The following CSF1 variants were observed in gnomAD, a reference collection of about 807,000 sequenced individuals.
CSF1 encodes macrophage colony-stimulating factor 1.
A neutral mutation model predicts 48.9 loss-of-function variants in CSF1; 9 were observed. The observed-to-expected ratio is 0.18, with a 90% CI of 0.11 to 0.32. CSF1 has a LOEUF of 0.32. Among genes scored for constraint, CSF1 ranks in the 10% least tolerant of loss-of-function variants. CSF1 has a pLI of 1.00. For missense variants in CSF1, 672 were observed against 697.9 expected, an observed-to-expected ratio of 0.96 and a Z score of 0.42; for synonymous variants, 305 against 284.1, an observed-to-expected ratio of 1.07 and a Z score of -0.74.
rs1406178434 is a variant in CSF1 at position 109,923,357 on chromosome 1, C to A, written c.736C>A (p.Pro246Thr). 13 of 1,612,410 alleles carry A rather than the reference C, an allele frequency of 8.1e-6. No homozygotes were observed. Among genetic ancestry groups the A allele is most frequent in the Non-Finnish European group, 9.3e-6 (11 of 1,179,174 alleles). ...PGEQPLHTVDPGSAKQRPPRS... is the reference protein window; with the variant it reads ...PGEQPLHTVDTGSAKQRPPRS... ...TGAGCAGCCCCTGCACACAGTGGATCCAGGCAGTGCCAAGCAGCGGCCACC... is the reference window on the plus strand; with the variant it reads ...TGAGCAGCCCCTGCACACAGTGGATACAGGCAGTGCCAAGCAGCGGCCACC... The change falls in exon 6 of 9, where the codon CCA becomes ACA. Residue 246 changes from proline (P) to threonine (T), a missense_variant. Physicochemically the swap from Pro to Thr is conservative, Grantham distance 38 (BLOSUM62 -1). Around this residue, in one of 3 missense-constraint regions of CSF1, gnomAD observed 591 missense variants for 593.6 expected, o/e 1.00. Transcript: ENST00000329608.
At chr1:109,910,510 C>G (rs992128846), upstream of CSF1, 2 of 409,936 alleles carry the variant, frequency 4.9e-6, no homozygotes, top group African/African-American at 4.2e-5. Context: ...AGCACTGAAT[C>G]AGCCTGGAGA....
At chr1:109,924,731 C>G (rs535745356) in intron 6 of CSF1, 45 bp from the exon 7 acceptor site, 105 of 1,543,752 alleles carry the variant, frequency 6.8e-5, no homozygotes, top group Admixed American at 4.6e-4. Flanking sequence ...ACCGCCCCCC[C>G]ACACTCCCCC....
chr1:109,911,007 G>T lies in CSF1; in HGVS notation c.-17G>T. The stretch of plus-strand genomic sequence containing the variant: ...GCGAGGGCGGCCGACGCGCCCGGCC[G>T]GGACCCAGCTGCCCGTATGACCGCG... On this transcript the variant is annotated 5_prime_UTR_variant, in exon 1 of 9. Transcript: ENST00000329608. 2.6e-6 allele frequency: 3 copies of T among 1,168,854 alleles called. No individual in the cohort carries two copies. The highest frequency in any genetic ancestry group is 3.2e-6 in the Non-Finnish European group (3 of 949,440). The allele number at this position is 1,168,854 out of a possible 1,614,324, so 72.4% of individuals were successfully genotyped here. A position where few individuals can be genotyped will look rare whatever the true frequency, so the allele number is the denominator to read the frequency against.
chr1:109,920,828 C>T (rs2101649810), intron 4 of CSF1, among the ~76,000 whole-genome samples: 1 of 152,172 alleles, frequency 6.6e-6, no homozygotes, highest in Admixed American at 6.5e-5. Flanking sequence ...GAGGTGGGCC[C>T]GGGAGTGAAC....
At chr1:109,921,061 C>T (rs185717869) in intron 4 of CSF1, among the ~76,000 whole-genome samples, 43 of 152,342 alleles carry the variant, frequency 2.8e-4, no homozygotes, top group Admixed American at 7.2e-4. Context: ...ACCCATATGC[C>T]TGGCGGCTGC....
rs1375566904 is a variant in CSF1 at position 109,929,387 on chromosome 1, A to T, written c.*549A>T. 2.6e-5 allele frequency: 4 copies of T among 152,652 alleles called. No individual in the cohort carries two copies. Among genetic ancestry groups the T allele is most frequent in the Non-Finnish European group, 5.9e-5 (4 of 68,172 alleles). 9.5% of individuals were successfully genotyped at this position (152,652 alleles called of 1,614,324 possible). On this transcript the variant is annotated 3_prime_UTR_variant, in exon 9 of 9. Coordinates refer to ENST00000329608, the MANE Select transcript of CSF1 (RefSeq NM_000757.6). ...CCCGTAAAGGTGTGCAGCCTGAGAG[A>T]CGGGAAGAGGAGGCCTCTGGACCTG...
chr1:109,923,029 C>T, intron 5 of CSF1, 137 bp from the exon 6 acceptor site: 5 of 800,054 alleles, frequency 6.2e-6, no homozygotes. Context: ...TCTTCTCAGC[C>T]CCAGGGCTGA....
At chr1:109,924,448 A>T (rs1222953052) in intron 6 of CSF1, among the ~76,000 whole-genome samples, 1 of 152,030 alleles carries the variant, frequency 6.6e-6, no homozygotes, top group East Asian at 1.9e-4. Context: ...TGACAGCAGG[A>T]TGATATCCAG....
chr1:109,914,648 T>C (rs554843014), intron 2 of CSF1, among the ~76,000 whole-genome samples: 66 of 152,344 alleles, frequency 4.3e-4, no homozygotes, highest in African/African-American at 1.5e-3. Context: ...GGGTTAGTGA[T>C]TGCCCAGGAA....
rs1570807572 is a variant in CSF1, at chr1:109,930,605, C to G, written c.*1767C>G. The G allele has an allele frequency of 6.6e-6, 1 of 152,238 alleles. No individual in the cohort carries two copies. The highest frequency in any genetic ancestry group is 1.5e-5 in the Non-Finnish European group (1 of 68,046). 9.4% of individuals were successfully genotyped at this position (152,238 alleles called of 1,614,324 possible). A position where few individuals can be genotyped will look rare whatever the true frequency, so the allele number is the denominator to read the frequency against. ...TGCATATGGGGCTTAGCCTTCTAGTCACAGCCTCTATATTTGATGCTAGAA... is the reference window on the plus strand; with the variant it reads ...TGCATATGGGGCTTAGCCTTCTAGTGACAGCCTCTATATTTGATGCTAGAA... On this transcript the variant is annotated 3_prime_UTR_variant, in exon 9 of 9. Transcript: ENST00000329608.
intron 3 of CSF1, among the ~76,000 whole-genome samples, chr1:109,916,732 C>G (rs995148343): frequency 6.6e-6 from 1 of 152,178 alleles, no homozygotes; most frequent in African/African-American, 2.4e-5. Context: ...TGCACTCACT[C>G]GCTTGCTCTA....
chr1:109,923,916 G>A lies in CSF1; in HGVS notation c.1295G>A (p.Gly432Asp). ...QPQLSRSHSS[G>D]SVLPLGELEG... ...CAGCTTTCCAGAAGCCACTCCTCGGGCAGCGTGCTGCCCCTTGGGGAGCTG... is the reference window on the plus strand; with the variant it reads ...CAGCTTTCCAGAAGCCACTCCTCGGACAGCGTGCTGCCCCTTGGGGAGCTG... Residue 432 changes from glycine (G) to aspartate (D), a missense_variant, in exon 6 of 9, where the codon GGC (glycine) becomes GAC (aspartate). This residue lies in a region of CSF1 where 591 missense variants were observed against 593.6 expected (regional missense o/e 1.00). Coordinates refer to ENST00000329608, the MANE Select transcript of CSF1 (RefSeq NM_000757.6). 6.2e-7 allele frequency: 1 copy of A among 1,614,122 alleles called. No individual in the cohort carries two copies. The highest frequency in any genetic ancestry group is 8.5e-7 in the Non-Finnish European group (1 of 1,179,940).
Position 109,923,705 on chromosome 1 carries a change from G to A in CSF1, c.1084G>A (p.Val362Ile), listed in dbSNP as rs777521033. ...AGCAAAGGGCCAACAGCCGGCAGATGTAACTGGTACCGCCTTGCCCAGGGT... is the reference window on the plus strand; with the variant it reads ...AGCAAAGGGCCAACAGCCGGCAGATATAACTGGTACCGCCTTGCCCAGGGT... ...ASAKGQQPAD[V>I]TGTALPRVGP... The change falls in exon 6 of 9, where the codon GTA becomes ATA. Residue 362 changes from valine (V) to isoleucine (I), a missense_variant. Val to Ile is a conservative substitution (Grantham distance 29, BLOSUM62 3). Around this residue, in one of 3 missense-constraint regions of CSF1, gnomAD observed 591 missense variants for 593.6 expected, o/e 1.00. Transcript: ENST00000329608. 2 of 1,613,506 alleles carry A rather than the reference G, an allele frequency of 1.2e-6. No homozygotes were observed. The highest frequency in any genetic ancestry group is 8.5e-7 in the Non-Finnish European group (1 of 1,179,678).
intron 7 of CSF1, 68 bp from the exon 8 acceptor site, chr1:109,925,079 A>G: frequency 7.0e-7 from 1 of 1,430,650 alleles, no homozygotes; most frequent in South Asian, 1.1e-5. Context: ...TTAGGGGTAA[A>G]CTTACGGAGT....
intron 6 of CSF1, 59 bp from the exon 7 acceptor site, chr1:109,924,717 G>A: frequency 1.3e-6 from 2 of 1,488,582 alleles, no homozygotes; most frequent in East Asian, 2.5e-5. Context: ...ACTGGGGATG[G>A]GCCACCGCCC....
At chr1:109,927,911 C>T (rs1557739875) in intron 8 of CSF1, among the ~76,000 whole-genome samples, 1 of 152,222 alleles carries the variant, frequency 6.6e-6, no homozygotes, top group Non-Finnish European at 1.5e-5. Context: ...TTCTCCCCTC[C>T]TGGGCCCTAG....
rs779795471 is a variant in CSF1 at position 109,923,584 on chromosome 1, A to C, written c.963A>C (p.Thr321=). The change falls in exon 6 of 9, where the codon ACA becomes ACC. Residue 321 remains threonine (T), a synonymous_variant. Coordinates refer to ENST00000329608, the MANE Select transcript of CSF1 (RefSeq NM_000757.6). Reference sequence around the variant, plus strand: ...GTGAGATTCCCGTACCCCAAGGGACAGAGCTTTCCCCCTCCAGGCCAGGAG... The same window carrying C: ...GTGAGATTCCCGTACCCCAAGGGACCGAGCTTTCCCCCTCCAGGCCAGGAG... The part of the protein sequence containing the change: ...EASEIPVPQG[T]ELSPSRPGGG... 56 of 1,614,186 alleles carry C rather than the reference A, an allele frequency of 3.5e-5. No individual in the cohort carries two copies. Among genetic ancestry groups the C allele is most frequent in the Non-Finnish European group, 4.7e-5 (56 of 1,180,010 alleles).
At chr1:109,926,479 C>T (rs1647845310) in intron 8 of CSF1, 2 of 152,270 alleles carry the variant, frequency 1.3e-5, no homozygotes, top group South Asian at 2.1e-4. Context: ...CTGTCATCTC[C>T]GTAGCCCTCC....
At chr1:109,918,715 G>C (rs887314568) in intron 4 of CSF1, among the ~76,000 whole-genome samples, 3 of 152,156 alleles carry the variant, frequency 2.0e-5, no homozygotes, top group Non-Finnish European at 4.4e-5. Flanking sequence ...TTTGAGGGAA[G>C]ACAGTTCAGT....
Sources: gnomAD v4.1 joint callset for allele counts (sites outside exome capture counted in the v4.1 genomes callset) on GRCh38, gnomAD v4.1.1 for gene constraint, gnomAD v4.1.1 regional missense constraint, MANE v1.5 for transcripts, NCBI Gene and HGNC (gene_info 2026-07-23, HGNC 2026-07-21) for gene names.